SLC12A1: variants seen among roughly 807,000 people sequenced by gnomAD.
SLC12A1 encodes the protein Na-K-2Cl cotransporter.
In SLC12A1, 89 loss-of-function variants were observed where a neutral mutation model predicts 130.4. The observed-to-expected ratio is 0.68, with a 90% CI of 0.58 to 0.81. The LOEUF is 0.81. Among genes scored for constraint, SLC12A1 ranks in the 40% least tolerant of loss-of-function variants. The pLI is 0.00. For synonymous variants in SLC12A1, 499 were observed against 460.0 expected (o/e 1.08, Z -1.09); for missense variants, 1,310 against 1,336.4 (o/e 0.98, Z 0.31).
At chr15:48,289,551 C>T (rs4325499) in intron 23 of SLC12A1, among the ~76,000 whole-genome samples, 1 of 151,060 alleles carries the variant, frequency 6.6e-6, no homozygotes, top group Non-Finnish European at 1.5e-5. Flanking sequence ...AGGCAATTTC[C>T]TATTGTGCAA....
In SLC12A1 at chr15:48,237,149, T is replaced by G. The variant is rs1597415994; in HGVS notation, c.1215+2145T>G. On this transcript the variant is annotated intron_variant, in intron 9 of 26. Coordinates refer to ENST00000380993, the MANE Select transcript of SLC12A1 (RefSeq NM_000338.3). Reference sequence around the variant, plus strand: ...CCCCTCAAAAAGTAAAGGAAGACTTTCAGAAGAGGGGACACTCAATCCAGG... The same window carrying G: ...CCCCTCAAAAAGTAAAGGAAGACTTGCAGAAGAGGGGACACTCAATCCAGG... 3 of 638,024 alleles carry G rather than the reference T, an allele frequency of 4.7e-6. No homozygotes were observed. In the East Asian group the frequency reaches 8.4e-5, roughly 18 times the overall value. 39.5% of individuals were successfully genotyped at this position (638,024 alleles called of 1,614,324 possible).
At chr15:48,229,587 T>C (rs879321407) in intron 6 of SLC12A1, among the ~76,000 whole-genome samples, 22 of 152,214 alleles carry the variant, frequency 1.4e-4, no homozygotes, top group Admixed American at 1.4e-3. Flanking sequence ...AATACTGTTA[T>C]ATGTATTTCA....
At chr15:48,273,149 C>G (rs1439219586) in intron 19 of SLC12A1, among the ~76,000 whole-genome samples, 1 of 150,804 alleles carries the variant, frequency 6.6e-6, no homozygotes, top group Non-Finnish European at 1.5e-5. Context: ...ACAGTTCTGT[C>G]GATTAGTCTG....
At chr15:48,264,651 C>A (rs1359512467) in intron 17 of SLC12A1, among the ~76,000 whole-genome samples, 1 of 151,940 alleles carries the variant, frequency 6.6e-6, no homozygotes, top group African/African-American at 2.4e-5. Context: ...TGGACCAAAT[C>A]AGAAAGGGAA....
At chr15:48,286,923 T>C (rs889277895) in intron 21 of SLC12A1, among the ~76,000 whole-genome samples, 1 of 152,296 alleles carries the variant, frequency 6.6e-6, no homozygotes, top group South Asian at 2.1e-4. Flanking sequence ...GTCCATTTTG[T>C]AAATAAATTT....
intron 20 of SLC12A1, among the ~76,000 whole-genome samples, chr15:48,279,345 C>T (rs1190241657): frequency 2.0e-5 from 3 of 152,144 alleles, no homozygotes; most frequent in Admixed American, 2.0e-4. Flanking sequence ...ACACAGGCAC[C>T]ACAGTGTCAT....
intron 26 of SLC12A1, 33 bp from the exon 27 acceptor site, chr15:48,302,717 T>C: frequency 6.4e-7 from 1 of 1,573,658 alleles, no homozygotes; most frequent in Non-Finnish European, 8.6e-7. Context: ...TAATTTTCAC[T>C]TTCATTTTTA....
chr15:48,209,465 A>T (rs183829720), intron 2 of SLC12A1, among the ~76,000 whole-genome samples: 20 of 152,350 alleles, frequency 1.3e-4, no homozygotes, highest in African/African-American at 4.1e-4. Flanking sequence ...TTTGGAATAA[A>T]TATCATTCTT....
intron 2 of SLC12A1, among the ~76,000 whole-genome samples, chr15:48,218,680 A>C (rs961422133): frequency 2.0e-5 from 3 of 152,184 alleles, no homozygotes; most frequent in African/African-American, 7.2e-5. Context: ...CTAGGCTTAA[A>C]CCAGTTTAGA....
chr15:48,291,864 G>T lies in SLC12A1; in HGVS notation c.2960G>T (p.Ser987Ile). The change falls in exon 24 of 27, where the codon AGC becomes ATC. Residue 987 changes from serine (S) to isoleucine (I), a missense_variant and splice_region_variant. Ser to Ile is a moderately radical substitution (Grantham distance 142, BLOSUM62 -2). Coordinates refer to ENST00000380993, the MANE Select transcript of SLC12A1 (RefSeq NM_000338.3). ...ATCAACATTAGGCCAAACAAAGAGA[G>T]GTATGAAATATTTAACAAGAGACAT... ...GDINIRPNKE[S>I]WKVFEEMIEP... The T allele has an allele frequency of 1.3e-6, 2 of 1,540,946 alleles. No homozygotes were observed. The highest frequency in any genetic ancestry group is 1.4e-5 in the African/African-American group (1 of 73,472).
chr15:48,289,582 A>G (rs2042099178), intron 23 of SLC12A1, among the ~76,000 whole-genome samples: 1 of 152,026 alleles, frequency 6.6e-6, no homozygotes. Context: ...GTGTACTTAC[A>G]CAAACCTAGA....
At chr15:48,298,209 T>G (rs2042197857) in intron 24 of SLC12A1, among the ~76,000 whole-genome samples, 1 of 152,206 alleles carries the variant, frequency 6.6e-6, no homozygotes, top group Non-Finnish European at 1.5e-5. Context: ...CTAAAATTAC[T>G]AAATTATAAC....
chr15:48,272,415 G>GT (rs1165699829), intron 19 of SLC12A1, among the ~76,000 whole-genome samples: 6 of 126,174 alleles, frequency 4.8e-5, no homozygotes, highest in African/African-American at 2.2e-4. Flanking sequence ...GTATGGTTTA[G>GT]TTTTTTGTTT....
chr15:48,295,071 C>T (rs80155629), intron 24 of SLC12A1, among the ~76,000 whole-genome samples: 6,717 of 150,944 alleles, frequency 0.044, 461 homozygotes, highest in African/African-American at 0.14. Context: ...GCCCCTATAC[C>T]CAGCTTTTTT....
At chr15:48,244,152 G>GAGAT (rs2041550311) in intron 10 of SLC12A1, among the ~76,000 whole-genome samples, 1 of 152,162 alleles carries the variant, frequency 6.6e-6, no homozygotes, top group African/African-American at 2.4e-5. Context: ...TAGATCAGCT[G>GAGAT]AGATAGATAC....
At chr15:48,260,849 CT>C (rs921312230) in intron 17 of SLC12A1, among the ~76,000 whole-genome samples, 1 of 152,240 alleles carries the variant, frequency 6.6e-6, no homozygotes, top group Admixed American at 6.5e-5. Flanking sequence ...TTAAGCATTT[CT>C]TTACACTTGG....
At chr15:48,251,813 CT>C (rs2041652245) in intron 15 of SLC12A1, 43 bp downstream of exon 15, 1 of 1,566,444 alleles carries the variant, frequency 6.4e-7, no homozygotes, top group Non-Finnish European at 8.8e-7. Context: ...AAATCTCTCT[CT>C]AACTACTCAT....
chr15:48,257,801 G>A (rs752812346), intron 16 of SLC12A1, among the ~76,000 whole-genome samples: 1 of 152,166 alleles, frequency 6.6e-6, no homozygotes, highest in Non-Finnish European at 1.5e-5. Context: ...GACATGCCCC[G>A]GAAATATTTT....
chr15:48,250,222 C>A (rs190349196), intron 14 of SLC12A1, among the ~76,000 whole-genome samples: 1 of 152,194 alleles, frequency 6.6e-6, no homozygotes, highest in African/African-American at 2.4e-5. Context: ...CTCCTCACCT[C>A]TTCTTTGCTT....
Sources: gnomAD v4.1 joint callset for allele counts (sites outside exome capture counted in the v4.1 genomes callset) on GRCh38, gnomAD v4.1.1 for gene constraint, MANE v1.5 for transcripts, NCBI Gene and HGNC (gene_info 2026-07-23, HGNC 2026-07-21) for gene names.